Variants in ATXN2L observed in about 807,000 individuals in gnomAD.
ATXN2L encodes the protein ataxin-2-like protein.
ATXN2L carries 24 observed loss-of-function variants against 120.7 expected under a neutral mutation model. That is an observed-to-expected ratio of 0.20 (90% confidence interval 0.14 to 0.28). The LOEUF (loss-of-function observed/expected upper bound fraction) is 0.28. ATXN2L is among the 10% of genes least tolerant of loss of function. ATXN2L has a pLI of 1.00. For synonymous variants in ATXN2L, 653 were observed against 568.1 expected (o/e 1.15, Z -2.13); for missense variants, 1,312 against 1,432.3 (o/e 0.92, Z 1.36).
chr16:28,825,289 C>T (rs2051443020), intron 1 of ATXN2L, 77 bp from the exon 2 acceptor site: 4 of 1,378,312 alleles, frequency 2.9e-6, no homozygotes, highest in Admixed American at 3.5e-5. Flanking sequence ...GTATATACTT[C>T]TAGGATTTAA....
chr16:28,827,474 A>G (rs2052558987), intron 6 of ATXN2L, among the ~76,000 whole-genome samples: 1 of 152,128 alleles, frequency 6.6e-6, no homozygotes. Context: ...TCTATAATTA[A>G]CCACTCCTAG....
chr16:28,827,019 G>A (rs767958010), intron 6 of ATXN2L, 33 bp downstream of exon 6: 9 of 1,410,404 alleles, frequency 6.4e-6, no homozygotes, highest in South Asian at 1.8e-5. Flanking sequence ...CTTGGGAGCT[G>A]GACAGACAGA....
At chr16:28,828,247 A>G (rs1287391123) in intron 6 of ATXN2L, among the ~76,000 whole-genome samples, 2 of 152,170 alleles carry the variant, frequency 1.3e-5, no homozygotes, top group Admixed American at 6.5e-5. Flanking sequence ...ATGACTTTTC[A>G]GGTTTACTAG....
chr16:28,827,000 C>T lies in ATXN2L; in HGVS notation c.741+14C>T. On this transcript the variant is annotated intron_variant, in intron 6 of 21. Coordinates refer to ENST00000336783, the MANE Select transcript of ATXN2L (RefSeq NM_007245.4). ...GAGTCTGACATGGTATAGCCTCCTT[C>T]CCTGAGAACTTGGGAGCTGGACAGA... 1 of 1,445,996 alleles carries T rather than the reference C, an allele frequency of 6.9e-7. No individual in the cohort carries two copies. Among genetic ancestry groups the T allele is most frequent in the African/African-American group, 1.4e-5 (1 of 70,324 alleles). 89.6% of individuals were successfully genotyped at this position (1,445,996 alleles called of 1,614,324 possible). A position where few individuals can be genotyped will look rare whatever the true frequency, so the allele number is the denominator to read the frequency against.
In ATXN2L at chr16:28,835,967, C is replaced by T; in HGVS notation, c.2930C>T (p.Pro977Leu). 1 of 1,542,156 alleles carries T rather than the reference C, an allele frequency of 6.5e-7. No homozygotes were observed. The highest frequency in any genetic ancestry group is 8.7e-7 in the Non-Finnish European group (1 of 1,144,936). Residue 977 changes from proline to leucine, a missense_variant, in exon 22 of 22, where the codon CCC (proline) becomes CTC (leucine). By Grantham distance (98) the Pro-to-Leu change is moderately conservative. Coordinates refer to ENST00000336783, the MANE Select transcript of ATXN2L (RefSeq NM_007245.4). The part of the protein sequence containing the change: ...HVQTGITAAP[P>L]PHPGAPHPPQ... ...CAAACTGGAATCACAGCAGCCCCGC[C>T]CCCTCACCCTGGGGCTCCCCACCCG...
chr16:28,835,008 A>C (rs1596573613), intron 18 of ATXN2L, 50 bp from the exon 19 acceptor site: 1 of 1,581,772 alleles, frequency 6.3e-7, no homozygotes, highest in Non-Finnish European at 8.6e-7. Context: ...GCAGGAGGAC[A>C]CCTTCCCAGC....
intron 21 of ATXN2L, 73 bp downstream of exon 21, chr16:28,835,831 A>G (rs1596582044): frequency 4.4e-6 from 7 of 1,596,874 alleles, no homozygotes; most frequent in Non-Finnish European, 6.0e-6. Context: ...TCCCATTGCC[A>G]AGTCCCTGGT....
At position 28,826,281 on chromosome 16, in the gene ATXN2L, G is replaced by A. The variant is rs769655615; in HGVS notation, c.507G>A (p.Glu169=). 13 of 1,614,198 alleles carry A rather than the reference G, an allele frequency of 8.1e-6. No individual in the cohort carries two copies. The highest frequency in any genetic ancestry group is 1.1e-5 in the Non-Finnish European group (13 of 1,180,040). Residue 169 remains glutamate (E), a synonymous_variant, in exon 5 of 22, where the codon GAG becomes GAA. Coordinates refer to ENST00000336783, the MANE Select transcript of ATXN2L (RefSeq NM_007245.4). ...ATGCTGTGCACCGGAAAGCATCTGA[G>A]CCAGCAGGTGGCCCTCGTCGGGAGG... ...AVDAVHRKAS[E]PAGGPRREDI... is the part of the protein sequence containing the mutation.
At chr16:28,832,457 G>T (rs2054848610) in intron 11 of ATXN2L, 39 bp from the exon 12 acceptor site, 1 of 1,612,612 alleles carries the variant, frequency 6.2e-7, no homozygotes, top group Non-Finnish European at 8.5e-7. Flanking sequence ...TGTGGTTCTG[G>T]ACAGAAGGAC....
In ATXN2L at chr16:28,829,316, C is replaced by G; in HGVS notation, c.742-85C>G. On this transcript the variant is annotated intron_variant, in intron 6 of 21. Transcript: ENST00000336783. ...CTGTGCCCAGCCAATTTGTTCACATCTTGGAGTTTTTAACCTGATGGAAGG... is the reference window on the plus strand; with the variant it reads ...CTGTGCCCAGCCAATTTGTTCACATGTTGGAGTTTTTAACCTGATGGAAGG... The G allele has an allele frequency of 1.3e-5, 12 of 936,176 alleles. No individual in the cohort carries two copies. The South Asian group carries it at 1.3e-4, about 10-fold the overall frequency. The allele number at this position is 936,176 out of a possible 1,614,324, so 58.0% of individuals were successfully genotyped here.
In ATXN2L at chr16:28,835,268, C is replaced by G. The variant is rs760999518; in HGVS notation, c.2564-10C>G. 1 of 1,613,892 alleles carries G rather than the reference C, an allele frequency of 6.2e-7. No individual in the cohort carries two copies. Among genetic ancestry groups the G allele is most frequent in the Non-Finnish European group, 8.5e-7 (1 of 1,179,908 alleles). Reference sequence around the variant, plus strand: ...TGCTCAGCACTGGTTCTCCCTCTTTCCTGCTGCAGCCACTGTTCACCAGTC... The same window carrying G: ...TGCTCAGCACTGGTTCTCCCTCTTTGCTGCTGCAGCCACTGTTCACCAGTC... On this transcript the variant is annotated splice_polypyrimidine_tract_variant and intron_variant, in intron 19 of 21. Coordinates refer to ENST00000336783, the MANE Select transcript of ATXN2L (RefSeq NM_007245.4).
Position 28,823,065 on chromosome 16 carries a change from C to T in ATXN2L, c.-195C>T, listed in dbSNP as rs2050189635. 1 of 356,440 alleles carries T rather than the reference C, an allele frequency of 2.8e-6. No individual in the cohort carries two copies. The highest frequency in any genetic ancestry group is 4.1e-5 in the East Asian group (1 of 24,680). 22.1% of individuals were successfully genotyped at this position (356,440 alleles called of 1,614,324 possible). A position where few individuals can be genotyped will look rare whatever the true frequency, so the allele number is the denominator to read the frequency against. ...TTTCCTCCAGCCGCGAGACCCCCTC[C>T]CCTTCCGCCTCGCGGCGCTTCCTCG... is the stretch of plus-strand genomic sequence containing the variant. On this transcript the variant is annotated 5_prime_UTR_variant, in exon 1 of 22. Coordinates refer to ENST00000336783, the MANE Select transcript of ATXN2L (RefSeq NM_007245.4).
rs374315238 is a variant in ATXN2L, at chr16:28,825,635, C to G, written c.348C>G (p.Gly116=). ...ATGTTAACTGACAGGTGTTTGAAGG[C>G]GTCTACAACAATTCCAGAATGCTGC... ...KGPPQSPVFE[G]VYNNSRMLHF... The change falls in exon 3 of 22, where the codon GGC becomes GGG. Residue 116 remains glycine, a synonymous_variant. Coordinates refer to ENST00000336783, the MANE Select transcript of ATXN2L (RefSeq NM_007245.4). 6.2e-6 allele frequency: 10 copies of G among 1,613,894 alleles called. No individual in the cohort carries two copies. The highest frequency in any genetic ancestry group is 1.3e-5 in the African/African-American group (1 of 74,914).
At chr16:28,824,373 G>C (rs1278984461) in intron 1 of ATXN2L, 1 of 1,242,884 alleles carries the variant, frequency 8.0e-7, no homozygotes, top group Admixed American at 2.6e-5. Flanking sequence ...GGTTCGGAAA[G>C]TCCCGTGGGT....
In ATXN2L at chr16:28,823,021, C is replaced by G. The variant is rs886571793; in HGVS notation, c.-239C>G. 4.0e-5 allele frequency: 10 copies of G among 251,876 alleles called. 1 individual carries two copies. The highest frequency in any genetic ancestry group is 1.9e-4 in the African/African-American group (8 of 43,130). 15.6% of individuals were successfully genotyped at this position (251,876 alleles called of 1,614,324 possible). On this transcript the variant is annotated 5_prime_UTR_variant, in exon 1 of 22. Coordinates refer to ENST00000336783, the MANE Select transcript of ATXN2L (RefSeq NM_007245.4). ...CCCGGCGACGCGCACGCGCGCCAGC[C>G]CGGCTCGCGCCCTCTCGCTTTCCTC...
At chr16:28,834,959 T>C in intron 18 of ATXN2L, 99 bp from the exon 19 acceptor site, 1 of 1,458,366 alleles carries the variant, frequency 6.9e-7, no homozygotes, top group Non-Finnish European at 9.2e-7. Flanking sequence ...ATAGGGTGAT[T>C]GTGAGGAGGC....
intron 18 of ATXN2L, 182 bp downstream of exon 18, chr16:28,834,875 C>T (rs1359239536): frequency 1.8e-6 from 2 of 1,124,978 alleles, no homozygotes; most frequent in Non-Finnish European, 2.5e-6. Flanking sequence ...TGTAACAAGG[C>T]ATTGGACATC....
Position 28,826,920 on chromosome 16 carries a change from G to T in ATXN2L, c.675G>T (p.Glu225Asp). 6.3e-7 allele frequency: 1 copy of T among 1,598,564 alleles called. No homozygotes were observed. Among genetic ancestry groups the T allele is most frequent in the Non-Finnish European group, 8.5e-7 (1 of 1,170,050 alleles). ...CGAAAGTGAATGGGGAACACAAAGA[G>T]AAGGTGCTTCAGCGCTGGGAGGGGG... ...MNSKVNGEHK[E>D]KVLQRWEGGD... is the part of the protein sequence containing the mutation. Residue 225 changes from glutamate (E) to aspartate (D), a missense_variant, in exon 6 of 22, where the codon GAG becomes GAT. By Grantham distance (45) the Glu-to-Asp change is conservative (BLOSUM62 2). Coordinates refer to ENST00000336783, the MANE Select transcript of ATXN2L (RefSeq NM_007245.4).
At chr16:28,829,263 A>G (rs1408571053) in intron 6 of ATXN2L, 138 bp from the exon 7 acceptor site, 2 of 648,962 alleles carry the variant, frequency 3.1e-6, no homozygotes, top group South Asian at 3.7e-5. Context: ...TCAGCTTCCC[A>G]AAGTACTGGG....
Sources: gnomAD v4.1 joint callset for allele counts (sites outside exome capture counted in the v4.1 genomes callset) on GRCh38, gnomAD v4.1.1 for gene constraint, MANE v1.5 for transcripts, NCBI Gene and HGNC (gene_info 2026-07-23, HGNC 2026-07-21) for gene names.